The following NR2C2 variants were observed in gnomAD, a reference collection of about 807,000 sequenced individuals.
NR2C2 encodes the protein Nuclear hormone receptor TR4.
In NR2C2, 6 loss-of-function variants were observed where a neutral mutation model predicts 62.9. That is an observed-to-expected ratio of 0.10 (90% CI 0.05 to 0.19). The LOEUF (loss-of-function observed/expected upper bound fraction) is 0.19, where lower values mean the gene tolerates loss of function less well. NR2C2 is among the 10% of genes least tolerant of loss of function. The probability of loss-of-function intolerance (pLI) is 1.00; values close to 1 mark genes in which losing one functional copy is unlikely to be tolerated. For missense variants in NR2C2, 479 were observed against 762.7 expected (o/e 0.63, Z 4.38); for synonymous variants, 272 against 273.8 (o/e 0.99, Z 0.07).
At chr3:15,029,830 TAG>T (rs879945657) in intron 8 of NR2C2, among the ~76,000 whole-genome samples, 2,492 of 125,186 alleles carry the variant, frequency 0.02, 24 homozygotes, top group African/African-American at 0.032. Context: ...GATAGATAGA[TAG>T]ATAGATAGAT....
In NR2C2 at chr3:15,024,284, C is replaced by T. The variant is rs528516137; in HGVS notation, c.798+76C>T. On this transcript the variant is annotated intron_variant, in intron 7 of 13. Coordinates refer to ENST00000425241, the MANE Select transcript of NR2C2 (RefSeq NM_001291694.2). ...GCTGCTTCTCTAACTGTGTGCACCACTTTCTTCCTGGCCTTCAGAGACCAC... is the reference window on the plus strand; with the variant it reads ...GCTGCTTCTCTAACTGTGTGCACCATTTTCTTCCTGGCCTTCAGAGACCAC... The T allele has an allele frequency of 5.1e-6, 5 of 976,652 alleles. No homozygotes were observed. In the Admixed American group the frequency reaches 1.2e-4, roughly 24 times the overall value. 60.5% of individuals were successfully genotyped at this position (976,652 alleles called of 1,614,324 possible). A position where few individuals can be genotyped will look rare whatever the true frequency, so the allele number is the denominator to read the frequency against.
intron 2 of NR2C2, among the ~76,000 whole-genome samples, chr3:15,009,927 C>G (rs1025079099): frequency 2.6e-5 from 4 of 152,160 alleles, no homozygotes; most frequent in African/African-American, 9.7e-5. Flanking sequence ...CAATCTCTGC[C>G]TCCATTGCCA....
chr3:14,965,908 A>G (rs974553507), intron 1 of NR2C2, among the ~76,000 whole-genome samples: 1 of 152,138 alleles, frequency 6.6e-6, no homozygotes, highest in Non-Finnish European at 1.5e-5. Flanking sequence ...ACCTCAGGTA[A>G]TCTGCCTGCC....
chr3:14,995,655 C>T (rs2040811465), intron 1 of NR2C2, among the ~76,000 whole-genome samples: 3 of 123,836 alleles, frequency 2.4e-5, no homozygotes, highest in Admixed American at 2.3e-4. Flanking sequence ...TTTCTGTGGA[C>T]ACGTTTTCAT....
At chr3:14,976,833 T>C (rs115140892) in intron 1 of NR2C2, among the ~76,000 whole-genome samples, 2,416 of 152,276 alleles carry the variant, frequency 0.016, 69 homozygotes, top group African/African-American at 0.054. Context: ...TGCTTTTGTG[T>C]ATAATAGTCA....
At chr3:14,985,927 T>A (rs950253313) in intron 1 of NR2C2, among the ~76,000 whole-genome samples, 2 of 152,146 alleles carry the variant, frequency 1.3e-5, no homozygotes, top group South Asian at 2.1e-4. Flanking sequence ...TCAAAGTGTG[T>A]CTTCTAAGGG....
At chr3:14,968,328 A>G (rs1217206855) in intron 1 of NR2C2, among the ~76,000 whole-genome samples, 1 of 152,222 alleles carries the variant, frequency 6.6e-6, no homozygotes, top group African/African-American at 2.4e-5. Flanking sequence ...GGCAAAGGAC[A>G]TGAACAGACA....
chr3:15,027,746 C>T (rs1296256578), intron 7 of NR2C2, among the ~76,000 whole-genome samples: 2 of 152,004 alleles, frequency 1.3e-5, no homozygotes, highest in Admixed American at 6.5e-5. Context: ...CACAGGCACA[C>T]ACCACCACGC....
chr3:14,956,804 G>C (rs1053561340), intron 1 of NR2C2, among the ~76,000 whole-genome samples: 1 of 152,250 alleles, frequency 6.6e-6, no homozygotes, highest in Non-Finnish European at 1.5e-5. Flanking sequence ...GCCTCCCAGA[G>C]TGCTGGGATT....
At chr3:15,024,717 A>C (rs1218995410) in intron 7 of NR2C2, among the ~76,000 whole-genome samples, 2 of 152,168 alleles carry the variant, frequency 1.3e-5, no homozygotes, top group Non-Finnish European at 2.9e-5. Flanking sequence ...GCTCCTGTGA[A>C]GATAACCAAG....
At chr3:14,949,280 A>G (rs1330728393) in intron 1 of NR2C2, among the ~76,000 whole-genome samples, 1 of 152,200 alleles carries the variant, frequency 6.6e-6, no homozygotes, top group Non-Finnish European at 1.5e-5. Flanking sequence ...GTTAATTTAG[A>G]TGGAATGGTC....
intron 4 of NR2C2, among the ~76,000 whole-genome samples, chr3:15,018,091 C>T (rs933980912): frequency 3.9e-5 from 6 of 152,150 alleles, no homozygotes; most frequent in African/African-American, 1.2e-4. Flanking sequence ...CTTTGCCTCC[C>T]AGATTCAAGC....
intron 1 of NR2C2, among the ~76,000 whole-genome samples, chr3:14,957,047 A>T (rs867298054): frequency 6.6e-6 from 1 of 152,370 alleles, no homozygotes; most frequent in South Asian, 2.1e-4. Context: ...CAACGTATAC[A>T]CATTTAAGAT....
chr3:14,948,722 A>G (rs2039236167), intron 1 of NR2C2: 2 of 152,418 alleles, frequency 1.3e-5, no homozygotes, highest in Middle Eastern at 3.4e-3. Flanking sequence ...AACAATAGTA[A>G]TAAAGGTGAT....
At chr3:15,008,790 T>C (rs893341841) in intron 2 of NR2C2, among the ~76,000 whole-genome samples, 17 of 152,184 alleles carry the variant, frequency 1.1e-4, no homozygotes, top group Non-Finnish European at 2.5e-4. Flanking sequence ...CTTTGCCAAA[T>C]TGTGTGATGA....
At chr3:15,040,710 C>CA (rs1200999825) in intron 13 of NR2C2, among the ~76,000 whole-genome samples, 1 of 152,220 alleles carries the variant, frequency 6.6e-6, no homozygotes, top group Non-Finnish European at 1.5e-5. Context: ...GTGGCTTTTA[C>CA]AAAAGCAAGA....
intron 1 of NR2C2, among the ~76,000 whole-genome samples, chr3:14,969,773 A>G (rs1210820450): frequency 6.6e-6 from 1 of 152,212 alleles, no homozygotes; most frequent in African/African-American, 2.4e-5. Flanking sequence ...CATGGCTGAG[A>G]AAATAGCCAA....
chr3:14,950,940 C>T (rs545166515), intron 1 of NR2C2, among the ~76,000 whole-genome samples: 2 of 152,330 alleles, frequency 1.3e-5, no homozygotes, highest in East Asian at 3.9e-4. Flanking sequence ...CAAGTGATTT[C>T]TGACAGATAT....
chr3:14,959,696 G>C (rs1225497768), intron 1 of NR2C2: 1 of 152,208 alleles, frequency 6.6e-6, no homozygotes, highest in Non-Finnish European at 1.5e-5. Flanking sequence ...TGTATAAAGA[G>C]AGGCGTTTAA....
Sources: allele counts gnomAD v4.1 joint callset (sites outside exome capture counted in the v4.1 genomes callset), GRCh38; gene constraint gnomAD v4.1.1; transcripts MANE v1.5; gene names NCBI Gene and HGNC (gene_info 2026-07-23, HGNC 2026-07-21).